The following CDKL1 variants were observed in gnomAD, a reference collection of about 807,000 sequenced individuals.
CDKL1 encodes cyclin dependent kinase like 1, also known as cyclin-dependent kinase-like 1.
CDKL1 carries 41 observed loss-of-function variants against 42.0 expected under a neutral mutation model. The observed-to-expected ratio is 0.98, with a 90% CI of 0.76 to 1.27. The LOEUF (loss-of-function observed/expected upper bound fraction) is 1.27, where lower values mean the gene tolerates loss of function less well. Ranked by LOEUF, CDKL1 falls within the 50% of genes most tolerant of loss-of-function variation. The probability of loss-of-function intolerance (pLI) is 0.00; values close to 1 mark genes in which losing one functional copy is unlikely to be tolerated. For synonymous variants in CDKL1, 153 were observed against 158.6 expected (o/e 0.96, Z 0.26); for missense variants, 394 against 428.4 (o/e 0.92, Z 0.71).
At chr14:50,342,999 A>G (rs1452972715) in intron 4 of CDKL1, 1 of 1,355,172 alleles carries the variant, frequency 7.4e-7, no homozygotes, top group African/African-American at 1.5e-5. Context: ...CCCCTCCAGA[A>G]TTTAGACTCA....
upstream of CDKL1, chr14:50,397,286 G>C (rs749237299): frequency 7.3e-7 from 1 of 1,365,672 alleles, no homozygotes; most frequent in Non-Finnish European, 9.8e-7. Flanking sequence ...TCAGTGCTGC[G>C]GCGTCAGTGA....
rs2032829544 is a variant in CDKL1 at position 50,329,605 on chromosome 14, T to C, written c.*469A>G. On this transcript the variant is annotated 3_prime_UTR_variant, in exon 10 of 10. Transcript: ENST00000395834. Reference sequence around the variant, plus strand: ...CAAGCAGGAAATGGGATTTTAAACATTTTGATTTCAAGAAATAGAACTATC... The same window carrying C: ...CAAGCAGGAAATGGGATTTTAAACACTTTGATTTCAAGAAATAGAACTATC... The C allele has an allele frequency of 6.6e-6, 1 of 152,422 alleles. No individual in the cohort carries two copies. Among genetic ancestry groups the C allele is most frequent in the Non-Finnish European group, 1.5e-5 (1 of 68,234 alleles). 9.4% of individuals were successfully genotyped at this position (152,422 alleles called of 1,614,324 possible).
At position 50,339,045 on chromosome 14, in the gene CDKL1, G is replaced by T; in HGVS notation, c.656-16C>A. ...ATGAGATCCCCTTTGGACAAGAAAA[G>T]AAAAAGGTAAGTGAAATTGGTTAGC... On this transcript the variant is annotated splice_polypyrimidine_tract_variant and intron_variant, in intron 6 of 9. Coordinates refer to ENST00000395834, the MANE Select transcript of CDKL1 (RefSeq NM_004196.7). The T allele has an allele frequency of 6.4e-7, 1 of 1,562,564 alleles. No homozygotes were observed.
chr14:50,340,695 G>A (rs368568716), intron 6 of CDKL1, among the ~76,000 whole-genome samples: 2 of 152,178 alleles, frequency 1.3e-5, no homozygotes, highest in African/African-American at 4.8e-5. Flanking sequence ...CATAAACAAG[G>A]TAAACCATGA....
chr14:50,342,972 C>T lies in CDKL1; in HGVS notation c.364-750G>A, dbSNP rs78491758. 9,727 of 1,356,930 alleles carry T rather than the reference C, an allele frequency of 7.2e-3. 48 individuals carry two copies. Among genetic ancestry groups the T allele is most frequent in the Non-Finnish European group, 8.2e-3 (8,328 of 1,017,642 alleles). 84.1% of individuals were successfully genotyped at this position (1,356,930 alleles called of 1,614,324 possible). A position where few individuals can be genotyped will look rare whatever the true frequency, so the allele number is the denominator to read the frequency against. On this transcript the variant is annotated intron_variant, in intron 4 of 9. Coordinates refer to ENST00000395834, the MANE Select transcript of CDKL1 (RefSeq NM_004196.7). ...CAAGTGCTCTGAGAGCTGCAGCCAC[C>T]CCTCGAGATGCGGCCCCCCCTCCAG...
At chr14:50,385,621 TG>T (rs1288042303) in intron 2 of CDKL1, among the ~76,000 whole-genome samples, 1 of 151,982 alleles carries the variant, frequency 6.6e-6, no homozygotes, top group Non-Finnish European at 1.5e-5. Context: ...CCGGCCAAGA[TG>T]GTGAAACCCC....
intron 2 of CDKL1, among the ~76,000 whole-genome samples, chr14:50,373,388 T>A (rs573369200): frequency 1.3e-5 from 2 of 152,294 alleles, no homozygotes; most frequent in African/African-American, 4.8e-5. Flanking sequence ...TCACTGGTTG[T>A]AAGAGAAAGT....
chr14:50,382,955 T>C (rs1255166371), intron 2 of CDKL1, among the ~76,000 whole-genome samples: 3 of 150,098 alleles, frequency 2.0e-5, no homozygotes, highest in Non-Finnish European at 4.4e-5. Flanking sequence ...TGAGACGGAG[T>C]CTCGCTCTGT....
chr14:50,382,681 C>T (rs2034950514), intron 2 of CDKL1, among the ~76,000 whole-genome samples: 1 of 151,604 alleles, frequency 6.6e-6, no homozygotes, highest in South Asian at 2.1e-4. Flanking sequence ...GCAGCCTTGA[C>T]CTTCCAGGCT....
In CDKL1 at chr14:50,396,237, G is replaced by T; in HGVS notation, c.-369C>A. ...AAGAAAGAAAGAAAAGAAAAGAAAG[G>T]ATCTTCACATAGTTTGAAAACGTCG... On this transcript the variant is annotated 5_prime_UTR_variant, in exon 2 of 10. Transcript: ENST00000395834. 4.9e-6 allele frequency: 5 copies of T among 1,024,492 alleles called. No homozygotes were observed. Among genetic ancestry groups the T allele is most frequent in the Non-Finnish European group, 5.9e-6 (5 of 854,642 alleles). The allele number at this position is 1,024,492 out of a possible 1,614,324, so 63.5% of individuals were successfully genotyped here.
chr14:50,375,562 G>A (rs10148498), intron 2 of CDKL1, among the ~76,000 whole-genome samples: 39,848 of 152,016 alleles, frequency 0.26, 5,607 homozygotes, highest in African/African-American at 0.32. Context: ...GTGGTAAGTC[G>A]CTGAGGCGGG....
intron 5 of CDKL1, among the ~76,000 whole-genome samples, chr14:50,341,459 G>A (rs1010041763): frequency 1.7e-5 from 1 of 57,288 alleles, no homozygotes; most frequent in South Asian, 3.8e-4. Context: ...GAGGGTCTGG[G>A]GGGGGGGGGG....
intron 7 of CDKL1, among the ~76,000 whole-genome samples, chr14:50,338,730 C>T (rs577671425): frequency 5.3e-5 from 8 of 152,332 alleles, no homozygotes; most frequent in African/African-American, 1.4e-4. Context: ...AGGCAGGCAG[C>T]GCTGCCTTCC....
At position 50,378,274 on chromosome 14, in the gene CDKL1, C is replaced by T. The variant is rs755160560; in HGVS notation, c.168+17427G>A. The T allele has an allele frequency of 2.8e-5, 38 of 1,366,380 alleles. No individual in the cohort carries two copies. The Admixed American group carries it at 3.4e-4, about 12-fold the overall frequency. 84.6% of individuals were successfully genotyped at this position (1,366,380 alleles called of 1,614,324 possible). ...CTACCCCACCTCCTTCTAGGGCCCA[C>T]GGACCTATAATAGGATGAGGTTGTT... On this transcript the variant is annotated intron_variant, in intron 2 of 9. Transcript: ENST00000395834.
At chr14:50,379,070 A>G (rs926202678) in intron 2 of CDKL1, among the ~76,000 whole-genome samples, 2 of 152,032 alleles carry the variant, frequency 1.3e-5, no homozygotes, top group African/African-American at 4.8e-5. Context: ...CAGTTTGGTA[A>G]CAAACTCCTG....
chr14:50,396,447 G>T, intron 1 of CDKL1, 118 bp from the exon 2 acceptor site: 1 of 985,252 alleles, frequency 1.0e-6, no homozygotes, highest in South Asian at 4.7e-5. Context: ...TTAATCGCCC[G>T]TTAAATACCC....
At chr14:50,371,562 T>C (rs185342810) in intron 2 of CDKL1, among the ~76,000 whole-genome samples, 90 of 152,376 alleles carry the variant, frequency 5.9e-4, no homozygotes, top group African/African-American at 2.1e-3. Context: ...GGCTTATTTT[T>C]TCCCCCTTTT....
chr14:50,372,770 C>A (rs911600037), intron 2 of CDKL1, among the ~76,000 whole-genome samples: 7 of 152,124 alleles, frequency 4.6e-5, no homozygotes, highest in African/African-American at 1.2e-4. Context: ...TTCCCAACAT[C>A]TTTTATTGAA....
chr14:50,335,295 CAAAAAAAAAAAAA>C (rs55777134), intron 7 of CDKL1, among the ~76,000 whole-genome samples: 2 of 54,304 alleles, frequency 3.7e-5, no homozygotes, highest in African/African-American at 1.3e-4. Flanking sequence ...GACCCTGTCT[CAAAAAAAAAAAAA>C]AAAAAAAAAA....
Sources: allele counts gnomAD v4.1 joint callset (sites outside exome capture counted in the v4.1 genomes callset), GRCh38; gene constraint gnomAD v4.1.1; transcripts MANE v1.5; gene names NCBI Gene and HGNC (gene_info 2026-07-23, HGNC 2026-07-21).